The following SLC46A1 variants were observed in gnomAD, a reference collection of about 807,000 sequenced individuals.
SLC46A1 encodes the protein proton-coupled folate transporter.
A neutral mutation model predicts 32.1 loss-of-function variants in SLC46A1; 17 were observed. That is an observed-to-expected ratio of 0.53 (90% confidence interval 0.36 to 0.79). The LOEUF (loss-of-function observed/expected upper bound fraction) is 0.79, where lower values mean the gene tolerates loss of function less well. Among genes scored for constraint, SLC46A1 ranks in the 30% least tolerant of loss-of-function variants. SLC46A1 has a pLI of 0.00. For synonymous variants in SLC46A1, 240 were observed against 262.7 expected, an observed-to-expected ratio of 0.91 and a Z score of 0.84; for missense variants, 517 against 588.2, an observed-to-expected ratio of 0.88 and a Z score of 1.25.
intron 1 of SLC46A1, 128 bp downstream of exon 1, chr17:28,405,759 G>A: frequency 1.8e-6 from 2 of 1,137,194 alleles, no homozygotes; most frequent in Non-Finnish European, 2.4e-6. Context: ...CTCTGGTCCC[G>A]CCCACCATCC....
At chr17:28,404,410 T>C in intron 2 of SLC46A1, 1 of 635,912 alleles carries the variant, frequency 1.6e-6, no homozygotes, top group Non-Finnish European at 2.7e-6. Flanking sequence ...TTAATTACTT[T>C]AGCTACTGAA....
intron 4 of SLC46A1, 25 bp downstream of exon 4, chr17:28,400,585 G>C (rs1048095279): frequency 6.2e-7 from 1 of 1,612,902 alleles, no homozygotes; most frequent in Admixed American, 1.7e-5. Context: ...TCCATTATGA[G>C]CATGGGTTCA....
chr17:28,402,549 T>C (rs2068210307), intron 2 of SLC46A1: 2 of 439,394 alleles, frequency 4.6e-6, no homozygotes, highest in Non-Finnish European at 8.4e-6. Flanking sequence ...TTCCCATTGA[T>C]TGCTTTCTTG....
Position 28,398,666 on chromosome 17 carries a change from A to G in SLC46A1, c.*990T>C, listed in dbSNP as rs558108857. On this transcript the variant is annotated 3_prime_UTR_variant, in exon 5 of 5. Transcript: ENST00000612814. The stretch of plus-strand genomic sequence containing the variant: ...GCCAAGAACTGCTCAGGGACATTAA[A>G]GGTCAAAAGTCCAGCCACACTCATT... The G allele has an allele frequency of 6.6e-6, 1 of 152,458 alleles. No individual in the cohort carries two copies. The highest frequency in any genetic ancestry group is 1.9e-4 in the East Asian group (1 of 5,188). 9.4% of individuals were successfully genotyped at this position (152,458 alleles called of 1,614,324 possible).
chr17:28,405,391 G>T lies in SLC46A1; in HGVS notation c.306C>A (p.Thr102=). Reference sequence around the variant, plus strand: ...CACTGTCGCTCCAAGCTCCCAGCAGGGTGGACGAGAAGAGCCCCACCAGGA... The same window carrying T: ...CACTGTCGCTCCAAGCTCCCAGCAGTGTGGACGAGAAGAGCCCCACCAGGA... ...GGFLVGLFSS[T]LLGAWSDSVG... The change falls in exon 2 of 5, where the codon ACC becomes ACA. Residue 102 remains threonine, a synonymous_variant. Transcript: ENST00000612814. 6.3e-7 allele frequency: 1 copy of T among 1,586,776 alleles called. No homozygotes were observed. Among genetic ancestry groups the T allele is most frequent in the African/African-American group, 1.3e-5 (1 of 74,382 alleles).
rs1205116499 is a variant in SLC46A1 at position 28,405,158 on chromosome 17, C to A, written c.539G>T (p.Arg180Leu). The change falls in exon 2 of 5, where the codon CGG becomes CTG. Residue 180 changes from arginine (R) to leucine (L), a missense_variant. Physicochemically the swap from Arg to Leu is moderately radical, Grantham distance 102. Transcript: ENST00000612814. ...GATGCTGGCTTCCAGCAGGGCCATC[C>A]GGAAGGTGCGGCTGCGACTGGAGCT... ...DVSSSRSRTF[R>L]MALLEASIGV... 16 of 1,610,852 alleles carry A rather than the reference C, an allele frequency of 9.9e-6. No homozygotes were observed. Among genetic ancestry groups the A allele is most frequent in the Non-Finnish European group, 1.4e-5 (16 of 1,178,274 alleles).
rs1200582836 is a variant in SLC46A1, at chr17:28,395,477, T to C, written c.*4179A>G. 1 of 170,600 alleles carries C rather than the reference T, an allele frequency of 5.9e-6. No homozygotes were observed. The highest frequency in any genetic ancestry group is 1.3e-5 in the Non-Finnish European group (1 of 78,464). 10.6% of individuals were successfully genotyped at this position (170,600 alleles called of 1,614,324 possible). A position where few individuals can be genotyped will look rare whatever the true frequency, so the allele number is the denominator to read the frequency against. On this transcript the variant is annotated 3_prime_UTR_variant, in exon 5 of 5. Transcript: ENST00000612814. ...TATGTAGGCATGATTGATTAAATCA[T>C]TGGCCATTGGTGATTGAACTCAATC...
chr17:28,399,410 A>T lies in SLC46A1; in HGVS notation c.*246T>A, dbSNP rs538237589. On this transcript the variant is annotated 3_prime_UTR_variant, in exon 5 of 5. Transcript: ENST00000612814. ...AAAGGGAGAACTGACTCCTGTCCCAAATAGCTCCTCTGCCACCTGTCCTGC... is the reference window on the plus strand; with the variant it reads ...AAAGGGAGAACTGACTCCTGTCCCATATAGCTCCTCTGCCACCTGTCCTGC... 4 of 536,602 alleles carry T rather than the reference A, an allele frequency of 7.5e-6. No homozygotes were observed. The African/African-American group carries it at 7.6e-5, about 10-fold the overall frequency. 33.2% of individuals were successfully genotyped at this position (536,602 alleles called of 1,614,324 possible).
intron 3 of SLC46A1, chr17:28,401,385 G>A (rs1418774890): frequency 6.3e-6 from 1 of 157,852 alleles, no homozygotes; most frequent in Non-Finnish European, 1.4e-5. Context: ...GGGAAAAAAA[G>A]TTTAGGTGAA....
At position 28,406,109 on chromosome 17, in the gene SLC46A1, C is replaced by A; in HGVS notation, c.6G>T (p.Glu2Asp). 6.7e-7 allele frequency: 1 copy of A among 1,501,640 alleles called. No homozygotes were observed. Among genetic ancestry groups the A allele is most frequent in the Non-Finnish European group, 8.9e-7 (1 of 1,126,710 alleles). 93.0% of individuals were successfully genotyped at this position (1,501,640 alleles called of 1,614,324 possible). MEGSASPPEKPR... is the reference protein window; with the variant it reads MDGSASPPEKPR... Reference sequence around the variant, plus strand: ...GCTTTTCCGGGGGGCTCGCGCTCCCCTCCATGTGCGTGCGCGGCGGAGCTG... The same window carrying A: ...GCTTTTCCGGGGGGCTCGCGCTCCCATCCATGTGCGTGCGCGGCGGAGCTG... The change falls in exon 1 of 5, where the codon GAG (glutamate) becomes GAT (aspartate). Residue 2 changes from glutamate (E) to aspartate (D), a missense_variant. By Grantham distance (45) the Glu-to-Asp change is conservative. Transcript: ENST00000612814. The surrounding 1 kb of genome is among the most constrained non-coding windows in gnomAD (Gnocchi z 4.5).
At chr17:28,402,988 T>C (rs782714130) in intron 2 of SLC46A1, 2 of 152,188 alleles carry the variant, frequency 1.3e-5, no homozygotes, top group African/African-American at 4.8e-5. Flanking sequence ...ACCGACAGAA[T>C]TGAGAAGGCA....
At chr17:28,406,458 A>G (rs2068263246), upstream of SLC46A1, 2 of 268,812 alleles carry the variant, frequency 7.4e-6, no homozygotes, top group South Asian at 1.5e-4. The surrounding 1 kb of genome is among the most constrained non-coding windows in gnomAD (Gnocchi z 4.5). Flanking sequence ...ACCACTTACT[A>G]TGTGCTGGGC....
chr17:28,403,654 A>AGCTCCCTCTCCCTCTCCCGTCTCCC (rs2068221887), intron 2 of SLC46A1: 1 of 152,168 alleles, frequency 6.6e-6, no homozygotes, highest in Non-Finnish European at 1.5e-5. Context: ...ATCTGTGATT[A>AGCTCCCTCTCCCTCTCCCGTCTCCC]TTGTATTGTT....
rs1555588954 is a variant in SLC46A1, at chr17:28,399,368, T to C, written c.*288A>G. 1 of 438,448 alleles carries C rather than the reference T, an allele frequency of 2.3e-6. No individual in the cohort carries two copies. Among genetic ancestry groups the C allele is most frequent in the African/African-American group, 2.0e-5 (1 of 50,426 alleles). The allele number at this position is 438,448 out of a possible 1,614,324, so 27.2% of individuals were successfully genotyped here. ...ACCTCTCCTCTGGCCTGTGGGGTTA[T>C]AAGTGATGGATAGCAGAAAGGGAGA... On this transcript the variant is annotated 3_prime_UTR_variant, in exon 5 of 5. Coordinates refer to ENST00000612814, the MANE Select transcript of SLC46A1 (RefSeq NM_080669.6).
At chr17:28,402,528 A>G (rs781974970) in intron 2 of SLC46A1, 96 of 496,320 alleles carry the variant, frequency 1.9e-4, no homozygotes, top group Admixed American at 2.9e-4. Context: ...GCTCTCATGA[A>G]TGAATGCTAA....
chr17:28,401,326 G>C (rs1555589606), intron 3 of SLC46A1: 1 of 160,288 alleles, frequency 6.2e-6, no homozygotes, highest in African/African-American at 2.4e-5. Flanking sequence ...AGTAAGGGCT[G>C]TTCTTTTCTC....
chr17:28,396,711 C>G lies in SLC46A1; in HGVS notation c.*2945G>C, dbSNP rs1339848912. On this transcript the variant is annotated 3_prime_UTR_variant, in exon 5 of 5. Transcript: ENST00000612814. ...GCGGGCCTGGGCACTGTATTCTGAG[C>G]AAGGGCCTGGGCCCAGGAGCCAGCC... 5.5e-6 allele frequency: 1 copy of G among 181,780 alleles called. No individual in the cohort carries two copies. The highest frequency in any genetic ancestry group is 1.2e-5 in the Non-Finnish European group (1 of 86,846). 11.3% of individuals were successfully genotyped at this position (181,780 alleles called of 1,614,324 possible).
Position 28,404,966 on chromosome 17 carries a change from G to A in SLC46A1, c.731C>T (p.Thr244Met), listed in dbSNP as rs782013829. 8.1e-6 allele frequency: 13 copies of A among 1,613,954 alleles called. No individual in the cohort carries two copies. In the East Asian group the frequency reaches 1.3e-4, roughly 17 times the overall value. The change falls in exon 2 of 5, where the codon ACG becomes ATG. Residue 244 changes from threonine (T) to methionine (M), a missense_variant. Transcript: ENST00000612814. ...LKEPKSTRLF[T>M]FRHHRSIVQL... ...GACAATGGATCGGTGGTGACGGAACGTGAAGAGCCGGGTGGACTTTGGCTC... is the reference window on the plus strand; with the variant it reads ...GACAATGGATCGGTGGTGACGGAACATGAAGAGCCGGGTGGACTTTGGCTC...
intron 3 of SLC46A1, chr17:28,402,001 A>G (rs1008846302): frequency 4.7e-6 from 2 of 427,248 alleles, no homozygotes; most frequent in Admixed American, 3.7e-5. Context: ...TTATCTAGAA[A>G]GAACATAATT....
Sources: gnomAD v4.1 joint callset for allele counts on GRCh38, gnomAD v4.1.1 for gene constraint, Gnocchi (gnomAD v3.1) non-coding constraint, MANE v1.5 for transcripts, NCBI Gene and HGNC (gene_info 2026-07-23, HGNC 2026-07-21) for gene names.